The following ITGAL variants were observed in gnomAD, a reference collection of about 807,000 sequenced individuals.
ITGAL encodes integrin subunit alpha L, also known as integrin alpha-L.
Under a neutral mutation model 138.4 loss-of-function variants are expected in ITGAL, and 68 were observed. The ratio of observed to expected loss-of-function variants is 0.49; its 90% confidence interval spans 0.40 to 0.60. ITGAL has a LOEUF of 0.60. Among genes scored for constraint, ITGAL ranks in the 20% least tolerant of loss-of-function variants. The probability of loss-of-function intolerance (pLI) is 0.00; values close to 1 mark genes in which losing one functional copy is unlikely to be tolerated. For synonymous variants in ITGAL, 561 were observed against 584.3 expected (o/e 0.96, Z 0.57); for missense variants, 1,256 against 1,478.6 (o/e 0.85, Z 2.47).
intron 13 of ITGAL, 152 bp downstream of exon 13, chr16:30,495,002 C>A: frequency 1.3e-6 from 1 of 771,258 alleles, no homozygotes; most frequent in Non-Finnish European, 2.0e-6. Context: ...TGGGGAAAGA[C>A]TGTATGCAGG....
intron 18 of ITGAL, 26 bp downstream of exon 18, chr16:30,504,290 G>A (rs1197650725): frequency 1.3e-6 from 2 of 1,558,980 alleles, no homozygotes; most frequent in Non-Finnish European, 8.8e-7. Context: ...TAGGGATGGT[G>A]GGGAGTTTAT....
At chr16:30,507,070 C>A (rs748223931) in intron 21 of ITGAL, among the ~76,000 whole-genome samples, 3 of 152,206 alleles carry the variant, frequency 2.0e-5, no homozygotes, top group Non-Finnish European at 4.4e-5. Flanking sequence ...CAACTGTAAT[C>A]CCAACACTTT....
intron 1 of ITGAL, 56 bp from the exon 2 acceptor site, chr16:30,474,140 G>A: frequency 7.5e-7 from 1 of 1,333,360 alleles, no homozygotes; most frequent in Non-Finnish European, 1.0e-6. Flanking sequence ...CACCTGCTGG[G>A]CACGTGCAGG....
At position 30,499,076 on chromosome 16, in the gene ITGAL, C is replaced by A. The variant is rs773068960; in HGVS notation, c.1835C>A (p.Ser612Tyr). Reference sequence around the variant, plus strand: ...GTTGGTTGCCTTCTGCCCTGCAGCTCCCGGCCCGTGGTGGATATGGTCACC... The same window carrying A: ...GTTGGTTGCCTTCTGCCCTGCAGCTACCGGCCCGTGGTGGATATGGTCACC... ...GAESQMIVLS[S>Y]RPVVDMVTLM... Residue 612 changes from serine (S) to tyrosine (Y), a missense_variant and splice_region_variant, in exon 16 of 31, where the codon TCC becomes TAC. Physicochemically the swap from Ser to Tyr is moderately radical, Grantham distance 144. Around this residue, in one of 3 missense-constraint regions of ITGAL, gnomAD observed 867 missense variants for 972.5 expected, o/e 0.89. Coordinates refer to ENST00000356798, the MANE Select transcript of ITGAL (RefSeq NM_002209.3). 1 of 1,613,784 alleles carries A rather than the reference C, an allele frequency of 6.2e-7. No homozygotes were observed. The highest frequency in any genetic ancestry group is 8.5e-7 in the Non-Finnish European group (1 of 1,179,874).
intron 7 of ITGAL, 59 bp downstream of exon 7, chr16:30,481,643 A>G: frequency 1.9e-6 from 3 of 1,542,798 alleles, no homozygotes; most frequent in Admixed American, 1.8e-5. Context: ...TGATCTACCC[A>G]CTTCCAGCTG....
intron 7 of ITGAL, among the ~76,000 whole-genome samples, chr16:30,482,093 C>T (rs1016446601): frequency 1.3e-5 from 2 of 151,886 alleles, no homozygotes; most frequent in Non-Finnish European, 2.9e-5. Flanking sequence ...TAGGCTTTCA[C>T]CATGTTGGCC....
chr16:30,508,851 C>T (rs2151169742), intron 21 of ITGAL, among the ~76,000 whole-genome samples: 1 of 151,504 alleles, frequency 6.6e-6, no homozygotes, highest in South Asian at 2.1e-4. Flanking sequence ...AGAGCGAGAC[C>T]TTGTCTCAGG....
chr16:30,490,226 TTA>T lies in ITGAL; in HGVS notation c.1213+841_1213+842del, dbSNP rs1491525671. 5.4e-3 allele frequency among the ~76,000 whole-genome samples: 627 copies of T among 115,162 alleles called. 14 individuals carry two copies. Among genetic ancestry groups the T allele is most frequent in the African/African-American group, 0.02 (599 of 29,938 alleles). The allele number at this position is 115,162 out of a possible 152,430, so 75.6% of individuals were successfully genotyped here. On this transcript the variant is annotated intron_variant, in intron 11 of 30. Coordinates refer to ENST00000356798, the MANE Select transcript of ITGAL (RefSeq NM_002209.3). ...CAAGATGACAGAGCGAGACTCCGTC[TTA>T]AAAAAAAAAAAAAAAAAAAGGCCTT...
Position 30,475,566 on chromosome 16 carries a change from G to A in ITGAL, c.313G>A (p.Asp105Asn), listed in dbSNP as rs775118895. 1 of 1,613,634 alleles carries A rather than the reference G, an allele frequency of 6.2e-7. No individual in the cohort carries two copies. The highest frequency in any genetic ancestry group is 1.3e-5 in the African/African-American group (1 of 75,002). The part of the protein sequence containing the change: ...LGMTLATDPT[D>N]GSILACDPGL... The stretch of plus-strand genomic sequence containing the variant: ...AATGACCTTGGCAACAGACCCCACA[G>A]ATGGAAGCATTTTGGTAAGAATTTT... Residue 105 changes from aspartate (D) to asparagine (N), a missense_variant, in exon 4 of 31, where the codon GAT becomes AAT. Asp to Asn is a conservative substitution (Grantham distance 23, BLOSUM62 1). Transcript: ENST00000356798.
rs1190618239 is a variant in ITGAL at position 30,517,711 on chromosome 16, G to T, written c.3033+6G>T. ...GGCTCCCGGATGCAGCTGAGGTATG[G>T]GCGTGTGAGCTGAGAGACGGTGGGG... On this transcript the variant is annotated splice_donor_region_variant and intron_variant, in intron 27 of 30. Coordinates refer to ENST00000356798, the MANE Select transcript of ITGAL (RefSeq NM_002209.3). The T allele has an allele frequency of 2.5e-6, 4 of 1,613,966 alleles. No individual in the cohort carries two copies. Among genetic ancestry groups the T allele is most frequent in the Admixed American group, 3.3e-5 (2 of 60,008 alleles).
At position 30,483,905 on chromosome 16, in the gene ITGAL, C is replaced by T. The variant is rs750099810; in HGVS notation, c.801C>T (p.Ala267=). 1 of 1,614,120 alleles carries T rather than the reference C, an allele frequency of 6.2e-7. No individual in the cohort carries two copies. The highest frequency in any genetic ancestry group is 8.5e-7 in the Non-Finnish European group (1 of 1,180,010). Residue 267 remains alanine (A), a synonymous_variant, in exon 8 of 31, where the codon GCC becomes GCT. Transcript: ENST00000356798. ...TTATCATCATCACGGATGGGGAGGC[C>T]ACTGACAGTGGCAACATCGATGCGG... is the stretch of plus-strand genomic sequence containing the variant. ...KVLIIITDGE[A]TDSGNIDAAK... is the part of the protein sequence containing the mutation.
At chr16:30,482,791 T>G (rs978249078) in intron 7 of ITGAL, among the ~76,000 whole-genome samples, 1 of 152,044 alleles carries the variant, frequency 6.6e-6, no homozygotes, top group Non-Finnish European at 1.5e-5. Flanking sequence ...CAACCCAACT[T>G]GCTCAGAGGA....
At position 30,496,544 on chromosome 16, in the gene ITGAL, G is replaced by A. The variant is rs1254481244; in HGVS notation, c.1810G>A (p.Glu604Lys). The A allele has an allele frequency of 6.2e-7, 1 of 1,613,762 alleles. No homozygotes were observed. Among genetic ancestry groups the A allele is most frequent in the South Asian group, 1.1e-5 (1 of 91,040 alleles). Residue 604 changes from glutamate to lysine, a missense_variant, in exon 15 of 31, where the codon GAG (glutamate) becomes AAG (lysine). This residue lies in a region of ITGAL where 867 missense variants were observed against 972.5 expected (regional missense o/e 0.89). Transcript: ENST00000356798. ...DGLADVAVGA[E>K]SQMIVLSSRP... ...CTTGGCAGATGTGGCTGTGGGGGCT[G>A]AGAGCCAGATGATCGTGCTGAGGTG...
At chr16:30,476,066 C>T (rs35493324) in intron 4 of ITGAL, among the ~76,000 whole-genome samples, 20,055 of 151,858 alleles carry the variant, frequency 0.13, 2,148 homozygotes, top group South Asian at 0.58. Context: ...CTGGCTAACA[C>T]GGTGAAACCC....
chr16:30,473,999 G>A (rs960660708), intron 1 of ITGAL, 197 bp from the exon 2 acceptor site: 1 of 691,530 alleles, frequency 1.4e-6, no homozygotes, highest in African/African-American at 1.8e-5. Context: ...CTCAGGCCCT[G>A]GGAAGAGCTT....
chr16:30,516,873 C>T lies in ITGAL; in HGVS notation c.2863-100C>T, dbSNP rs372742998. 2.0e-4 allele frequency: 168 copies of T among 836,520 alleles called. 3 individuals are homozygous for T. In the African/African-American group the frequency reaches 2.4e-3, roughly 12 times the overall value. 51.8% of individuals were successfully genotyped at this position (836,520 alleles called of 1,614,324 possible). ...ACCGACAAGGGCCCTGGGGACTCAG[C>T]CAATGAGGACTGGAAGAGGCGTGCA... On this transcript the variant is annotated intron_variant, in intron 25 of 30. Coordinates refer to ENST00000356798, the MANE Select transcript of ITGAL (RefSeq NM_002209.3).
intron 20 of ITGAL, among the ~76,000 whole-genome samples, chr16:30,506,363 C>T (rs1371467841): frequency 1.3e-5 from 2 of 149,196 alleles, no homozygotes; most frequent in African/African-American, 4.9e-5. Context: ...ACCATCCTGG[C>T]TAACACAGTG....
chr16:30,482,474 G>C (rs905379066), intron 7 of ITGAL, among the ~76,000 whole-genome samples: 16 of 152,058 alleles, frequency 1.1e-4, no homozygotes, highest in African/African-American at 3.9e-4. Flanking sequence ...GTTTTGAGTA[G>C]AGGAGTGATG....
intron 25 of ITGAL, 133 bp from the exon 26 acceptor site, chr16:30,516,840 A>G: frequency 1.4e-6 from 1 of 721,052 alleles, no homozygotes; most frequent in South Asian, 1.5e-5. Context: ...GTCACTGGAC[A>G]CTGCCTAACC....
Sources: gnomAD v4.1 joint callset for allele counts (sites outside exome capture counted in the v4.1 genomes callset) on GRCh38, gnomAD v4.1.1 for gene constraint, gnomAD v4.1.1 regional missense constraint, MANE v1.5 for transcripts, NCBI Gene and HGNC (gene_info 2026-07-23, HGNC 2026-07-21) for gene names.